The following ZBTB10 variants were observed in gnomAD, a reference collection of about 807,000 sequenced individuals.
ZBTB10 encodes the protein zinc finger and BTB domain-containing protein 10.
A neutral mutation model predicts 76.4 loss-of-function variants in ZBTB10; 32 were observed. That is an observed-to-expected ratio of 0.42 (90% CI 0.32 to 0.56). The LOEUF (loss-of-function observed/expected upper bound fraction) is 0.56, where lower values mean the gene tolerates loss of function less well. Among genes scored for constraint, ZBTB10 ranks in the 20% least tolerant of loss-of-function variants. The pLI is 0.14. For synonymous variants in ZBTB10, 523 were observed against 432.9 expected, an observed-to-expected ratio of 1.21 and a Z score of -2.58; for missense variants, 1,057 against 1,098.5, an observed-to-expected ratio of 0.96 and a Z score of 0.53.
chr8:80,495,767 A>G (rs1815767349), intron 1 of ZBTB10, among the ~76,000 whole-genome samples: 1 of 152,206 alleles, frequency 6.6e-6, no homozygotes, highest in Non-Finnish European at 1.5e-5. Flanking sequence ...TGTTCTGGAA[A>G]TATTGAACAT....
chr8:80,486,789 G>A lies in ZBTB10; in HGVS notation c.-22G>A, dbSNP rs1815473425. ...CCGTGCGCGAGCCGGGGCACCGGGC[G>A]GCGGCGGCGGCGGCGCGCGCCATGT... On this transcript the variant is annotated 5_prime_UTR_variant, in exon 1 of 6. Coordinates refer to ENST00000455036, the MANE Select transcript of ZBTB10 (RefSeq NM_001105539.3). 4 of 1,393,648 alleles carry A rather than the reference G, an allele frequency of 2.9e-6. No individual in the cohort carries two copies. Among genetic ancestry groups the A allele is most frequent in the South Asian group, 1.6e-5 (1 of 62,356 alleles). 86.3% of individuals were successfully genotyped at this position (1,393,648 alleles called of 1,614,324 possible).
At chr8:80,493,904 A>C (rs1008139963) in intron 1 of ZBTB10, among the ~76,000 whole-genome samples, 1 of 152,348 alleles carries the variant, frequency 6.6e-6, no homozygotes, top group Middle Eastern at 3.4e-3. Flanking sequence ...ATTTCTGGGG[A>C]TAGTACTTAA....
At chr8:80,513,845 A>T in intron 2 of ZBTB10, 65 bp from the exon 3 acceptor site, 1 of 1,225,852 alleles carries the variant, frequency 8.2e-7, no homozygotes, top group Non-Finnish European at 1.2e-6. Context: ...TCCAAGAAAG[A>T]GTGGTGTTTT....
chr8:80,485,714 G>A (rs960711278), upstream of ZBTB10: 10 of 1,423,354 alleles, frequency 7.0e-6, no homozygotes, highest in Admixed American at 8.3e-5. Context: ...GAAAGGCACC[G>A]CCTGGTCCAG....
Position 80,487,393 on chromosome 8 carries a change from G to A in ZBTB10, c.583G>A (p.Asp195Asn). 1 of 1,534,016 alleles carries A rather than the reference G, an allele frequency of 6.5e-7. No individual in the cohort carries two copies. Among genetic ancestry groups the A allele is most frequent in the Non-Finnish European group, 8.8e-7 (1 of 1,137,560 alleles). The change falls in exon 1 of 6, where the codon GAC (aspartate) becomes AAC (asparagine). Residue 195 changes from aspartate (D) to asparagine (N), a missense_variant. Physicochemically the swap from Asp to Asn is conservative, Grantham distance 23. Around this residue, in one of 5 missense-constraint regions of ZBTB10, gnomAD observed 556 missense variants for 451.7 expected, o/e 1.23. Coordinates refer to ENST00000455036, the MANE Select transcript of ZBTB10 (RefSeq NM_001105539.3). The part of the protein sequence containing the change: ...EDEEEGASLG[D>N]GSGAEGGSCS... ...CGAGGAGGAGGGGGCGAGCCTGGGC[G>A]ACGGCAGCGGGGCGGAAGGCGGCAG... is the stretch of plus-strand genomic sequence containing the variant.
chr8:80,487,236 C>T lies in ZBTB10; in HGVS notation c.426C>T (p.Arg142=), dbSNP rs908526411. The T allele has an allele frequency of 1.3e-5, 20 of 1,548,090 alleles. No homozygotes were observed. Among genetic ancestry groups the T allele is most frequent in the Non-Finnish European group, 1.7e-5 (20 of 1,148,882 alleles). Residue 142 remains arginine (R), a synonymous_variant, in exon 1 of 6, where the codon CGC becomes CGT. Coordinates refer to ENST00000455036, the MANE Select transcript of ZBTB10 (RefSeq NM_001105539.3). The part of the protein sequence containing the change: ...GLGNNGSSRG[R]PETSVWPLRH... ...GCAACAATGGCAGTAGCCGCGGCCG[C>T]CCCGAGACCTCGGTGTGGCCCTTGA...
intron 1 of ZBTB10, among the ~76,000 whole-genome samples, chr8:80,490,707 T>C (rs965399345): frequency 6.6e-6 from 1 of 152,224 alleles, no homozygotes; most frequent in African/African-American, 2.4e-5. Context: ...ATGAGAGTTT[T>C]AGAATTCTTT....
chr8:80,486,413 T>TGC lies in ZBTB10; in HGVS notation c.-390_-389dup, dbSNP rs551768016. 2.6e-3 allele frequency: 2,576 copies of TGC among 984,056 alleles called. 3 individuals carry two copies. The highest frequency in any genetic ancestry group is 2.9e-3 in the Non-Finnish European group (2,366 of 829,882). The allele number at this position is 984,056 out of a possible 1,614,324, so 61.0% of individuals were successfully genotyped here. ...GATATCTGTGTGGAGGATCGGTGTG[T>TGC]GCGCGCGCGGCTTTAAAGAGGGGGC... On this transcript the variant is annotated 5_prime_UTR_variant, in exon 1 of 6. Transcript: ENST00000455036.
At chr8:80,514,072 A>G in intron 3 of ZBTB10, 64 bp downstream of exon 3, 2 of 1,418,884 alleles carry the variant, frequency 1.4e-6, no homozygotes, top group Non-Finnish European at 2.0e-6. Flanking sequence ...TCTTACCTGC[A>G]GCCTAGTGTA....
intron 1 of ZBTB10, among the ~76,000 whole-genome samples, chr8:80,494,258 G>A (rs1351569450): frequency 6.6e-6 from 1 of 152,204 alleles, no homozygotes; most frequent in Non-Finnish European, 1.5e-5. Flanking sequence ...ATTGAGTAGG[G>A]TAGTAAATAC....
chr8:80,502,248 T>C (rs907433266), intron 2 of ZBTB10, among the ~76,000 whole-genome samples: 3 of 152,212 alleles, frequency 2.0e-5, no homozygotes, highest in African/African-American at 7.2e-5. Flanking sequence ...TTTGTTTGTT[T>C]GTTTTTAAAC....
At chr8:80,510,400 T>A (rs1460686199) in intron 2 of ZBTB10, among the ~76,000 whole-genome samples, 1 of 152,228 alleles carries the variant, frequency 6.6e-6, no homozygotes, top group Admixed American at 6.5e-5. Flanking sequence ...ACTAGCTTGT[T>A]ATTTAACCTC....
At chr8:80,497,509 G>T (rs186170885) in intron 1 of ZBTB10, among the ~76,000 whole-genome samples, 8 of 151,800 alleles carry the variant, frequency 5.3e-5, no homozygotes, top group Admixed American at 2.0e-4. Context: ...TGGTATAAGG[G>T]CTTTATGCAC....
intron 1 of ZBTB10, among the ~76,000 whole-genome samples, chr8:80,495,792 A>G (rs1296386073): frequency 6.6e-6 from 1 of 152,252 alleles, no homozygotes; most frequent in East Asian, 1.9e-4. Context: ...ATAATAGGTT[A>G]TAAGGATTTT....
intron 2 of ZBTB10, among the ~76,000 whole-genome samples, chr8:80,512,832 T>C (rs1400154531): frequency 6.6e-6 from 1 of 151,660 alleles, no homozygotes; most frequent in Non-Finnish European, 1.5e-5. Context: ...TCTTAATTGA[T>C]CATCATCTCT....
chr8:80,519,190 T>C (rs1424910881), intron 5 of ZBTB10, 33 bp from the exon 6 acceptor site: 5 of 1,585,180 alleles, frequency 3.2e-6, no homozygotes, highest in African/African-American at 2.7e-5. Flanking sequence ...ATATATAATA[T>C]CCTTATATTG....
chr8:80,519,414 C>A lies in ZBTB10; in HGVS notation c.2502C>A (p.Tyr834Ter). 1.2e-6 allele frequency: 2 copies of A among 1,612,300 alleles called. No individual in the cohort carries two copies. Among genetic ancestry groups the A allele is most frequent in the African/African-American group, 1.3e-5 (1 of 74,864 alleles). The change falls in exon 6 of 6, where the codon TAC becomes TAA. Residue 834 changes from tyrosine (Y) to a stop codon, truncating the protein, a stop_gained. Coordinates refer to ENST00000455036, the MANE Select transcript of ZBTB10 (RefSeq NM_001105539.3). LOFTEE classifies it high-confidence loss of function. ...CAGAATTCCCTCGGGATGAAGAATA[C>A]GAGGAGAATGAAGTAGGAGAAGCTG... ...QDTEFPRDEE[Y>*]EENEVGEADE... is the part of the protein sequence containing the mutation.
intron 4 of ZBTB10, 47 bp from the exon 5 acceptor site, chr8:80,518,735 T>G: frequency 6.5e-7 from 1 of 1,536,816 alleles, no homozygotes; most frequent in Non-Finnish European, 8.7e-7. Flanking sequence ...TAGCAAGTTT[T>G]CTGTTTAATG....
At chr8:80,496,531 TTGAA>T (rs1585843522) in intron 1 of ZBTB10, among the ~76,000 whole-genome samples, 1 of 152,076 alleles carries the variant, frequency 6.6e-6, no homozygotes, top group East Asian at 1.9e-4. Flanking sequence ...AAAATAGTGG[TTGAA>T]TGGTGTTTAA....
Sources: gnomAD v4.1 joint callset for allele counts (sites outside exome capture counted in the v4.1 genomes callset) on GRCh38, gnomAD v4.1.1 for gene constraint, gnomAD v4.1.1 regional missense constraint, MANE v1.5 for transcripts, NCBI Gene and HGNC (gene_info 2026-07-23, HGNC 2026-07-21) for gene names.